PAWR: variants seen among roughly 807,000 people sequenced by gnomAD.
The protein encoded by PAWR is PRKC apoptosis WT1 regulator protein.
PAWR carries 23 observed loss-of-function variants against 32.0 expected under a neutral mutation model. That is an observed-to-expected ratio of 0.72 (90% CI 0.52 to 1.02). The LOEUF is 1.02. Ranked by LOEUF, PAWR falls within the 50% of genes least tolerant of loss-of-function variation. PAWR has a pLI of 0.00. For missense variants in PAWR, 457 were observed against 437.7 expected (o/e 1.04, Z -0.39); for synonymous variants, 226 against 187.1 (o/e 1.21, Z -1.70).
intron 4 of PAWR, among the ~76,000 whole-genome samples, chr12:79,610,374 T>C (rs1874378789): frequency 6.6e-6 from 1 of 152,114 alleles, no homozygotes; most frequent in Admixed American, 6.5e-5. Context: ...TTAGGACCAA[T>C]TTGCATTTCG....
At chr12:79,624,834 T>C (rs968019371) in intron 2 of PAWR, among the ~76,000 whole-genome samples, 1 of 152,198 alleles carries the variant, frequency 6.6e-6, no homozygotes, top group African/African-American at 2.4e-5. Context: ...CAGAGCTTTA[T>C]TGATGAACAT....
chr12:79,596,721 T>G (rs920874527), intron 4 of PAWR, 63 bp from the exon 5 acceptor site: 3 of 1,096,744 alleles, frequency 2.7e-6, no homozygotes, highest in Non-Finnish European at 3.8e-6. Context: ...GCCAAGAATA[T>G]TTTCTATTGA....
chr12:79,688,245 T>C (rs1051618315), intron 2 of PAWR: 1 of 151,748 alleles, frequency 6.6e-6, no homozygotes, highest in African/African-American at 2.4e-5. Context: ...AAAAAAGTAC[T>C]TGAAAAATAA....
In PAWR at chr12:79,586,884, G is replaced by A. The variant is rs952028750; in HGVS notation, c.*5723C>T. ...CAGAATAAAATGAATGGACTGTAAA[G>A]GATCTTATAACCAGTCTCTCTCTTT... On this transcript the variant is annotated 3_prime_UTR_variant, in exon 7 of 7. Coordinates refer to ENST00000328827, the MANE Select transcript of PAWR (RefSeq NM_002583.4). 6 of 152,034 alleles carry A rather than the reference G, an allele frequency of 3.9e-5. No individual in the cohort carries two copies. The highest frequency in any genetic ancestry group is 1.4e-4 in the African/African-American group (6 of 41,388). The allele number at this position is 152,034 out of a possible 1,614,324, so 9.4% of individuals were successfully genotyped here. A position where few individuals can be genotyped will look rare whatever the true frequency, so the allele number is the denominator to read the frequency against.
intron 2 of PAWR, among the ~76,000 whole-genome samples, chr12:79,686,570 T>G (rs1490994479): frequency 6.6e-6 from 1 of 152,174 alleles, no homozygotes; most frequent in Non-Finnish European, 1.5e-5. Flanking sequence ...CGGAATTGAA[T>G]TAGCATGAGC....
At chr12:79,689,045 T>C (rs1454228759) in intron 2 of PAWR, among the ~76,000 whole-genome samples, 2 of 152,084 alleles carry the variant, frequency 1.3e-5, no homozygotes, top group African/African-American at 4.8e-5. Context: ...CCCTACCACA[T>C]GTTTTTCAGA....
rs1036787620 is a variant in PAWR at position 79,591,184 on chromosome 12, C to G, written c.*1423G>C. 1.3e-5 allele frequency: 2 copies of G among 152,160 alleles called. No homozygotes were observed. The highest frequency in any genetic ancestry group is 1.9e-4 in the East Asian group (1 of 5,200). The allele number at this position is 152,160 out of a possible 1,614,324, so 9.4% of individuals were successfully genotyped here. On this transcript the variant is annotated 3_prime_UTR_variant, in exon 7 of 7. Coordinates refer to ENST00000328827, the MANE Select transcript of PAWR (RefSeq NM_002583.4). ...ATTGGCCAAGCTGGAAACTTCTGAA[C>G]TGGGGGAGAAAGCCAACCTAGGTAA... is the stretch of plus-strand genomic sequence containing the variant.
intron 2 of PAWR, among the ~76,000 whole-genome samples, chr12:79,645,795 T>C (rs1876546903): frequency 6.6e-6 from 1 of 152,196 alleles, no homozygotes; most frequent in South Asian, 2.1e-4. Context: ...CTAACTATAG[T>C]GTTTCATTGT....
intron 3 of PAWR, among the ~76,000 whole-genome samples, chr12:79,617,781 T>C (rs1874810969): frequency 6.6e-6 from 1 of 152,178 alleles, no homozygotes; most frequent in Non-Finnish European, 1.5e-5. Context: ...ATCTCCAGTG[T>C]TGAAGGCGGG....
chr12:79,623,222 A>G (rs1875115094), intron 2 of PAWR, among the ~76,000 whole-genome samples: 2 of 152,192 alleles, frequency 1.3e-5, no homozygotes, highest in African/African-American at 4.8e-5. Context: ...CAAAGTGTTA[A>G]GAAATTAGTC....
chr12:79,594,197 T>C, intron 6 of PAWR, 132 bp downstream of exon 6: 1 of 539,766 alleles, frequency 1.9e-6, no homozygotes, highest in Non-Finnish European at 3.2e-6. Context: ...AAATGATACC[T>C]CTTACTAATT....
chr12:79,606,804 A>C (rs1178697819), intron 4 of PAWR, among the ~76,000 whole-genome samples: 1 of 152,214 alleles, frequency 6.6e-6, no homozygotes, highest in African/African-American at 2.4e-5. Flanking sequence ...TAATCATACA[A>C]GTCATTAAAC....
intron 2 of PAWR, among the ~76,000 whole-genome samples, chr12:79,652,852 C>T (rs1035127207): frequency 6.6e-6 from 1 of 152,094 alleles, no homozygotes; most frequent in Non-Finnish European, 1.5e-5. Context: ...TTATGTTCTC[C>T]ATCACCAGTA....
intron 2 of PAWR, among the ~76,000 whole-genome samples, chr12:79,630,738 C>A (rs1238736976): frequency 6.6e-6 from 1 of 151,764 alleles, no homozygotes; most frequent in Admixed American, 6.6e-5. Flanking sequence ...AAATATCAAA[C>A]CAAGATGGTT....
Position 79,585,069 on chromosome 12 carries a change from G to GATT in PAWR, c.*7537_*7538insAAT, listed in dbSNP as rs1873350461. 1 of 412,402 alleles carries GATT rather than the reference G, an allele frequency of 2.4e-6. No individual in the cohort carries two copies. The highest frequency in any genetic ancestry group is 2.1e-5 in the African/African-American group (1 of 47,418). The allele number at this position is 412,402 out of a possible 1,614,324, so 25.5% of individuals were successfully genotyped here. A position where few individuals can be genotyped will look rare whatever the true frequency, so the allele number is the denominator to read the frequency against. On this transcript the variant is annotated 3_prime_UTR_variant, in exon 7 of 7. Transcript: ENST00000328827. ...TCAGAAAGAATACTAAATTAATGGG[G>GATT]GTTATGTCAGGATGCCAATGTCCAT...
intron 3 of PAWR, among the ~76,000 whole-genome samples, chr12:79,619,080 A>G (rs1002567254): frequency 1.3e-4 from 19 of 151,824 alleles, no homozygotes; most frequent in African/African-American, 4.6e-4. Flanking sequence ...TAATTAATAA[A>G]TTAAAATATT....
At chr12:79,657,326 C>A (rs541742019) in intron 2 of PAWR, among the ~76,000 whole-genome samples, 44 of 152,084 alleles carry the variant, frequency 2.9e-4, no homozygotes, top group African/African-American at 1.1e-3. Context: ...TCATTCAATA[C>A]CTTGAGTGTG....
Position 79,690,363 on chromosome 12 carries a change from G to C in PAWR, c.-119C>G. ...AGGAGACGACCTCCAGGAGAGGGAC[G>C]GCCGCCGCTCCCACAGCAGCCGGCG... is the stretch of plus-strand genomic sequence containing the variant. On this transcript the variant is annotated 5_prime_UTR_variant, in exon 2 of 7. Transcript: ENST00000328827. 1 of 1,350,118 alleles carries C rather than the reference G, an allele frequency of 7.4e-7. No individual in the cohort carries two copies. The highest frequency in any genetic ancestry group is 9.5e-7 in the Non-Finnish European group (1 of 1,055,646). 83.6% of individuals were successfully genotyped at this position (1,350,118 alleles called of 1,614,324 possible).
intron 2 of PAWR, among the ~76,000 whole-genome samples, chr12:79,673,583 A>T (rs1878018208): frequency 6.6e-6 from 1 of 152,196 alleles, no homozygotes. Context: ...GTTACCAGCC[A>T]GTTGGAGGCC....
Sources: gnomAD v4.1 joint callset for allele counts (sites outside exome capture counted in the v4.1 genomes callset) on GRCh38, gnomAD v4.1.1 for gene constraint, MANE v1.5 for transcripts, NCBI Gene and HGNC (gene_info 2026-07-23, HGNC 2026-07-21) for gene names.